The following KLF8 variants were observed in gnomAD, a reference collection of about 807,000 sequenced individuals.
KLF8 encodes KLF transcription factor 8.
KLF8 carries 10 observed loss-of-function variants against 18.2 expected under a neutral mutation model. The ratio of observed to expected loss-of-function variants is 0.55; its 90% CI spans 0.34 to 0.93. The LOEUF (loss-of-function observed/expected upper bound fraction) is 0.93, where lower values mean the gene tolerates loss of function less well. Among genes scored for constraint, KLF8 ranks in the 40% least tolerant of loss-of-function variants. The pLI, the probability that KLF8 is intolerant of heterozygous loss-of-function variation, is 0.02. For synonymous variants in KLF8, 109 were observed against 97.3 expected, an observed-to-expected ratio of 1.12 and a Z score of -0.71; for missense variants, 264 against 277.9, an observed-to-expected ratio of 0.95 and a Z score of 0.36.
At chrX:56,069,978 A>G in the KLF8 span, among the ~76,000 whole-genome samples, 87 of 112,923 alleles carry the variant, frequency 7.7e-4, no homozygotes, top group East Asian at 0.021. Context: ...ACTATTCACA[A>G]TAGCAAAGAC....
the KLF8 span, among the ~76,000 whole-genome samples, chrX:55,973,980 A>G: frequency 8.9e-6 from 1 of 112,219 alleles, no homozygotes; most frequent in Non-Finnish European, 1.9e-5. Flanking sequence ...TGGTACATAT[A>G]CACCATGGAA....
At chrX:56,067,335 T>G in the KLF8 span, among the ~76,000 whole-genome samples, 4 of 108,726 alleles carry the variant, frequency 3.7e-5, no homozygotes, top group Admixed American at 9.6e-5. Flanking sequence ...TTTTTACATA[T>G]CAGATTTTTG....
chrX:56,224,935 C>T, the KLF8 span, among the ~76,000 whole-genome samples: 1 of 111,254 alleles, frequency 9.0e-6, no homozygotes, highest in Non-Finnish European at 1.9e-5. Flanking sequence ...TGAACACTGC[C>T]TCCTCACATG....
intron 2 of KLF8, among the ~76,000 whole-genome samples, chrX:56,255,653 A>G (rs1268738643): frequency 2.7e-5 from 3 of 112,255 alleles, no homozygotes; most frequent in Non-Finnish European, 3.8e-5. Context: ...TGAAATAATC[A>G]TGGTCTTTAA....
rs1302710952 is a variant in KLF8, at chrX:56,232,387, C to T, written c.-948C>T. The T allele has an allele frequency of 9.3e-6, 1 of 107,079 alleles. No homozygotes were observed. The highest frequency in any genetic ancestry group is 1.0e-4 in the Admixed American group (1 of 10,001). The allele number at this position is 107,079 out of a possible 1,213,427, so 8.8% of individuals were successfully genotyped here. ...CACTCTCCTCTAGCGGCCGCCTGTCCTTTTTAAGGAACTCCACCCTAGGTG... is the reference window on the plus strand; with the variant it reads ...CACTCTCCTCTAGCGGCCGCCTGTCTTTTTTAAGGAACTCCACCCTAGGTG... On this transcript the variant is annotated 5_prime_UTR_variant, in exon 1 of 6. Transcript: ENST00000468660.
the KLF8 span, among the ~76,000 whole-genome samples, chrX:56,038,284 G>A: frequency 9.0e-6 from 1 of 111,498 alleles, no homozygotes; most frequent in African/African-American, 3.3e-5. Context: ...AAGTAAACAT[G>A]TGCCCATGGT....
At chrX:56,265,841 TTGC>T in intron 3 of KLF8, 97 bp downstream of exon 3, 1 of 1,098,702 alleles carries the variant, frequency 9.1e-7, no homozygotes, top group South Asian at 2.3e-5. Flanking sequence ...CCAATTATTC[TTGC>T]ACACTGCTTC....
At chrX:56,057,167 G>A in the KLF8 span, among the ~76,000 whole-genome samples, 1 of 111,775 alleles carries the variant, frequency 8.9e-6, no homozygotes, top group Non-Finnish European at 1.9e-5. Context: ...GCTCTGGGGG[G>A]CGTAGGTCTG....
chrX:56,058,175 T>C, the KLF8 span, among the ~76,000 whole-genome samples: 49 of 91,012 alleles, frequency 5.4e-4, no homozygotes, highest in Non-Finnish European at 7.6e-4. Context: ...TATATATATA[T>C]ACACACATAT....
At chrX:55,939,465 A>G in the KLF8 span, among the ~76,000 whole-genome samples, 1 of 111,950 alleles carries the variant, frequency 8.9e-6, no homozygotes, top group Non-Finnish European at 1.9e-5. Context: ...CAATTAAAAG[A>G]ACTAGAAAAG....
At chrX:56,098,099 G>A in the KLF8 span, among the ~76,000 whole-genome samples, 1 of 111,498 alleles carries the variant, frequency 9.0e-6, no homozygotes, top group Middle Eastern at 4.3e-3. Flanking sequence ...ACAAGAACTG[G>A]TTGTTAAAAA....
At chrX:56,105,515 A>C in the KLF8 span, among the ~76,000 whole-genome samples, 1 of 109,031 alleles carries the variant, frequency 9.2e-6, no homozygotes, top group African/African-American at 3.3e-5. Flanking sequence ...TTTATCAAAG[A>C]CTAGAACTGC....
the KLF8 span, among the ~76,000 whole-genome samples, chrX:55,986,280 A>T: frequency 8.9e-6 from 1 of 111,973 alleles, no homozygotes; most frequent in South Asian, 3.7e-4. Flanking sequence ...GATTTGTCAT[A>T]AATGGCTCTT....
chrX:56,243,164 A>G (rs1310435964), intron 1 of KLF8: 1 of 514,065 alleles, frequency 1.9e-6, no homozygotes, highest in African/African-American at 2.3e-5. Flanking sequence ...CACAGTGGTC[A>G]GCGGAAACTT....
chrX:56,038,068 G>T, the KLF8 span, among the ~76,000 whole-genome samples: 1 of 111,593 alleles, frequency 9.0e-6, no homozygotes, highest in Non-Finnish European at 1.9e-5. Flanking sequence ...GCGAATAAAT[G>T]AGAACATGTG....
intron 1 of KLF8, chrX:56,243,135 C>T: frequency 1.9e-6 from 1 of 522,247 alleles, no homozygotes; most frequent in Non-Finnish European, 3.5e-6. Context: ...CTGTTGTCTC[C>T]TATCTTCTTC....
the KLF8 span, among the ~76,000 whole-genome samples, chrX:56,183,340 G>A: frequency 8.9e-6 from 1 of 112,160 alleles, no homozygotes; most frequent in Non-Finnish European, 1.9e-5. Context: ...TAGGGTGGGA[G>A]TTTCCTGATT....
chrX:56,265,144 T>C, intron 2 of KLF8, 36 bp from the exon 3 acceptor site: 2 of 1,149,404 alleles, frequency 1.7e-6, no homozygotes, highest in South Asian at 4.1e-5. Context: ...GTACTAACAC[T>C]GACTTATGCA....
chrX:56,239,100 C>T (rs1034290829), intron 1 of KLF8, among the ~76,000 whole-genome samples: 19 of 112,369 alleles, frequency 1.7e-4, no homozygotes, highest in Non-Finnish European at 3.2e-4. Context: ...TAATCTCCTC[C>T]TCTCCCAATT....
Sources: allele counts gnomAD v4.1 joint callset (sites outside exome capture counted in the v4.1 genomes callset), GRCh38; gene constraint gnomAD v4.1.1; transcripts MANE v1.5; gene names NCBI Gene and HGNC (gene_info 2026-07-23, HGNC 2026-07-21).